The following CCR6 variants were observed in gnomAD, a reference collection of about 807,000 sequenced individuals.
The protein encoded by CCR6 is C-C motif chemokine receptor 6, also known as C-C chemokine receptor type 6.
A neutral mutation model predicts 3.0 loss-of-function variants in CCR6; 2 were observed. The observed-to-expected ratio is 0.66, with a 90% CI of 0.27 to 2.07. The LOEUF (loss-of-function observed/expected upper bound fraction) is 2.07, where lower values mean the gene tolerates loss of function less well. Among genes scored for constraint, CCR6 ranks in the 30% most tolerant of loss-of-function variants. The probability of loss-of-function intolerance (pLI) is 0.14; values close to 1 mark genes in which losing one functional copy is unlikely to be tolerated. For synonymous variants in CCR6, 193 were observed against 184.3 expected, an observed-to-expected ratio of 1.05 and a Z score of -0.38; for missense variants, 322 against 462.8, an observed-to-expected ratio of 0.70 and a Z score of 2.79.
intron 1 of CCR6, among the ~76,000 whole-genome samples, chr6:167,113,390 T>A (rs977801147): frequency 1.3e-5 from 2 of 152,182 alleles, no homozygotes; most frequent in African/African-American, 4.8e-5. Flanking sequence ...TGATGAGGAA[T>A]GGCAGACAGC....
In CCR6 at chr6:167,130,932, A is replaced by T. The variant is rs41351044; in HGVS notation, c.-97-5106A>T. 5.2e-3 allele frequency among the ~76,000 whole-genome samples: 599 copies of T among 114,900 alleles called. 12 individuals are homozygous for T. Among genetic ancestry groups the T allele is most frequent in the Middle Eastern group, 0.016 (4 of 250 alleles). The allele number at this position is 114,900 out of a possible 152,430, so 75.4% of individuals were successfully genotyped here. A position where few individuals can be genotyped will look rare whatever the true frequency, so the allele number is the denominator to read the frequency against. On this transcript the variant is annotated intron_variant, in intron 1 of 2. Transcript: ENST00000341935. Reference sequence around the variant, plus strand: ...TGGGCCTCCTTCTCTCAGGGACCCCACCCTCTGGGCCCCCCTCCCTCCGGG... The same window carrying T: ...TGGGCCTCCTTCTCTCAGGGACCCCTCCCTCTGGGCCCCCCTCCCTCCGGG...
chr6:167,134,335 G>C (rs539395086), intron 1 of CCR6, among the ~76,000 whole-genome samples: 1 of 151,988 alleles, frequency 6.6e-6, no homozygotes, highest in Non-Finnish European at 1.5e-5. Context: ...TCTATACCAC[G>C]CTTCTTCTGC....
At chr6:167,118,676 T>G (rs548158832), upstream of CCR6, among the ~76,000 whole-genome samples, 73 of 152,304 alleles carry the variant, frequency 4.8e-4, no homozygotes, top group African/African-American at 1.7e-3. Flanking sequence ...GTATGAACTT[T>G]TGGATCAGAT....
At position 167,136,266 on chromosome 6, in the gene CCR6, C is replaced by T. The variant is rs888046323; in HGVS notation, c.36C>T (p.Phe12=). 14 of 1,607,082 alleles carry T rather than the reference C, an allele frequency of 8.7e-6. No homozygotes were observed. Among genetic ancestry groups the T allele is most frequent in the South Asian group, 2.2e-5 (2 of 90,094 alleles). The stretch of plus-strand genomic sequence containing the variant: ...AATCAATGAATTTCAGCGATGTTTT[C>T]GACTCCAGTGAAGATTATTTTGTGT... The part of the protein sequence containing the change: ...SGESMNFSDV[F]DSSEDYFVSV... The change falls in exon 3 of 3, where the codon TTC becomes TTT. Residue 12 remains phenylalanine, a synonymous_variant. Transcript: ENST00000341935. This position sits in a 1 kb window ranked among gnomAD's most constrained non-coding sequence, Gnocchi z 4.6.
chr6:167,135,576 T>C (rs1781837371), intron 1 of CCR6, among the ~76,000 whole-genome samples: 2 of 152,240 alleles, frequency 1.3e-5, no homozygotes, highest in South Asian at 4.1e-4. Context: ...GGACTATGAA[T>C]TATACATTTT....
chr6:167,117,159 C>G (rs1781506683), intron 1 of CCR6: 1 of 152,144 alleles, frequency 6.6e-6, no homozygotes, highest in Admixed American at 6.5e-5. Flanking sequence ...AATACTGCTG[C>G]GTCTGCGACC....
chr6:167,114,309 A>G (rs1781459128), intron 1 of CCR6, among the ~76,000 whole-genome samples: 1 of 152,136 alleles, frequency 6.6e-6, no homozygotes, highest in African/African-American at 2.4e-5. Context: ...ATGGGTTATA[A>G]ATCACGTGAC....
At chr6:167,117,830 A>G (rs1157385319), upstream of CCR6, among the ~76,000 whole-genome samples, 1 of 152,088 alleles carries the variant, frequency 6.6e-6, no homozygotes, top group Non-Finnish European at 1.5e-5. Context: ...TCACTTGGAC[A>G]TTCTTAAAGA....
rs373552474 is a variant in CCR6 at position 167,132,863 on chromosome 6, T to TC, written c.-97-3175_-97-3174insC. Among the ~76,000 whole-genome samples, 1,012 of 152,290 alleles carry TC rather than the reference T, an allele frequency of 6.6e-3. 5 individuals are homozygous for TC. The highest frequency in any genetic ancestry group is 0.023 in the African/African-American group (963 of 41,536). On this transcript the variant is annotated intron_variant, in intron 1 of 2. Coordinates refer to ENST00000341935, the MANE Select transcript of CCR6 (RefSeq NM_031409.4). Reference sequence around the variant, plus strand: ...GCCTTCATTGTGGTTTTAATTTGCATTTTCCTCATGATTAATGGCATTGAG... The same window carrying TC: ...GCCTTCATTGTGGTTTTAATTTGCATCTTTCCTCATGATTAATGGCATTGAG...
intron 1 of CCR6, among the ~76,000 whole-genome samples, chr6:167,133,627 T>C (rs1175699528): frequency 6.6e-6 from 1 of 151,608 alleles, no homozygotes; most frequent in Non-Finnish European, 1.5e-5. Context: ...GACTTGTCAA[T>C]TTCTCAAAAA....
chr6:167,117,891 G>A (rs151254945), upstream of CCR6, among the ~76,000 whole-genome samples: 67 of 151,112 alleles, frequency 4.4e-4, no homozygotes, highest in East Asian at 0.01. Flanking sequence ...CGCGCAGGTC[G>A]CTTTTCAGTG....
chr6:167,133,924 A>ATG (rs1227762602), intron 1 of CCR6, among the ~76,000 whole-genome samples: 8 of 65,772 alleles, frequency 1.2e-4, no homozygotes, highest in African/African-American at 4.0e-4. Context: ...TATATATGAT[A>ATG]TATGTGTGTA....
intron 1 of CCR6, chr6:167,126,114 C>T (rs1284527044): frequency 6.6e-6 from 1 of 152,090 alleles, no homozygotes; most frequent in Non-Finnish European, 1.5e-5. Flanking sequence ...AGCTTGAGGC[C>T]AGGAGTTTGA....
intron 1 of CCR6, chr6:167,126,213 GTTTA>G (rs1781666593): frequency 6.6e-6 from 1 of 152,054 alleles, no homozygotes; most frequent in African/African-American, 2.4e-5. Context: ...AAAAAAGGTA[GTTTA>G]TTTATATGAT....
Position 167,114,401 on chromosome 6 carries a change from A to G in CCR6, c.-98+2387A>G, listed in dbSNP as rs116506827. On this transcript the variant is annotated intron_variant, in intron 1 of 2. Coordinates refer to the CCR6 transcript ENST00000400926. ...GACCTCGAGAGGAGTTCAGAATCAC[A>G]GGACCGCAGGACCCAGCCCTGGTCT... Among the ~76,000 whole-genome samples the G allele has an allele frequency of 4.6e-3, 694 of 152,322 alleles. 1 individual carries two copies. Among genetic ancestry groups the G allele is most frequent in the African/African-American group, 0.015 (624 of 41,572 alleles).
intron 1 of CCR6, among the ~76,000 whole-genome samples, chr6:167,134,331 C>T (rs535663195): frequency 6.6e-6 from 1 of 152,196 alleles, no homozygotes; most frequent in African/African-American, 2.4e-5. Context: ...GGGGTCTATA[C>T]CACGCTTCTT....
At position 167,136,197 on chromosome 6, in the gene CCR6, G is replaced by C. The variant is rs1014068342; in HGVS notation, c.10-43G>C. On this transcript the variant is annotated intron_variant, in intron 2 of 2. Coordinates refer to ENST00000341935, the MANE Select transcript of CCR6 (RefSeq NM_031409.4). The surrounding 1 kb of genome is among the most constrained non-coding windows in gnomAD (Gnocchi z 4.6). ...TAATTTGGGTTCACTGTGGCTACTT[G>C]AACACTACACTGCAGCTAACTCTAT... The C allele has an allele frequency of 6.2e-7, 1 of 1,611,820 alleles. No homozygotes were observed. Among genetic ancestry groups the C allele is most frequent in the African/African-American group, 1.3e-5 (1 of 74,840 alleles).
rs144136306 is a variant in CCR6, at chr6:167,126,017, T to A, written c.-98+2794T>A. Among the ~76,000 whole-genome samples, 54 of 152,306 alleles carry A rather than the reference T, an allele frequency of 3.5e-4. 1 individual carries two copies. In the East Asian group the frequency reaches 9.8e-3, roughly 28 times the overall value. On this transcript the variant is annotated intron_variant, in intron 1 of 2. Transcript: ENST00000341935. ...ACCATGTGCATATATTTAATCTTCA[T>A]GAGATCCTAGTACATTTGCATTTCA...
intron 1 of CCR6, among the ~76,000 whole-genome samples, chr6:167,133,574 G>T: frequency 6.7e-6 from 1 of 150,030 alleles, no homozygotes; most frequent in Non-Finnish European, 1.5e-5. Context: ...AAATTGTTTT[G>T]GCTATTTTAA....
Sources: allele counts gnomAD v4.1 joint callset (sites outside exome capture counted in the v4.1 genomes callset), GRCh38; gene constraint gnomAD v4.1.1; non-coding constraint Gnocchi (gnomAD v3.1); transcripts MANE v1.5; gene names NCBI Gene and HGNC (gene_info 2026-07-23, HGNC 2026-07-21).